Variants in RBFOX1 observed in about 807,000 individuals in gnomAD.
The protein encoded by RBFOX1 is RNA binding fox-1 homolog 1.
A neutral mutation model predicts 57.7 loss-of-function variants in RBFOX1; 8 were observed. The ratio of observed to expected loss-of-function variants is 0.14; its 90% CI spans 0.08 to 0.25. RBFOX1 has a LOEUF of 0.25. Among genes scored for constraint, RBFOX1 ranks in the 10% least tolerant of loss-of-function variants. RBFOX1 has a pLI of 1.00. For missense variants in RBFOX1, 611 were observed against 548.5 expected (o/e 1.11, Z -1.14); for synonymous variants, 326 against 222.4 (o/e 1.47, Z -4.15).
chr16:6,729,926 G>T (rs925561839), intron 3 of RBFOX1, among the ~76,000 whole-genome samples: 1 of 152,034 alleles, frequency 6.6e-6, no homozygotes, highest in African/African-American at 2.4e-5. Flanking sequence ...CAGGATGCCC[G>T]ACTCCGAGAA....
chr16:6,852,672 G>T (rs2094133685), intron 3 of RBFOX1, among the ~76,000 whole-genome samples: 1 of 151,854 alleles, frequency 6.6e-6, no homozygotes, highest in Admixed American at 6.6e-5. Flanking sequence ...CAGGTAAGGT[G>T]CTTGCCTAGG....
At chr16:7,289,603 A>G (rs532563989) in intron 4 of RBFOX1, among the ~76,000 whole-genome samples, 2 of 152,086 alleles carry the variant, frequency 1.3e-5, no homozygotes, top group Admixed American at 6.6e-5. Context: ...CATCACTTTC[A>G]TCATAGTCAT....
At position 6,901,407 on chromosome 16, in the gene RBFOX1, T is replaced by A. The variant is rs139167072; in HGVS notation, c.-15-150650T>A. Among the ~76,000 whole-genome samples, 8 of 152,216 alleles carry A rather than the reference T, an allele frequency of 5.3e-5. No homozygotes were observed. In the East Asian group the frequency reaches 1.4e-3, roughly 26 times the overall value. On this transcript the variant is annotated intron_variant, in intron 3 of 15. Coordinates refer to ENST00000550418, the MANE Select transcript of RBFOX1 (RefSeq NM_018723.4). ...AGTGAACAGGACGTTCCTACTACCTTTGGGGAAGACAATAACACAGAGTCC... is the reference window on the plus strand; with the variant it reads ...AGTGAACAGGACGTTCCTACTACCTATGGGGAAGACAATAACACAGAGTCC...
intron 1 of RBFOX1, among the ~76,000 whole-genome samples, chr16:5,357,566 T>C (rs2065425298): frequency 1.3e-5 from 2 of 152,114 alleles, no homozygotes; most frequent in South Asian, 4.1e-4. Context: ...CTTGTGAAAA[T>C]GTAGATTCAG....
intron 1 of RBFOX1, among the ~76,000 whole-genome samples, chr16:5,284,756 A>AATTTTTTTTTTTTTTTTTTT (rs1303967371): frequency 3.3e-5 from 2 of 61,032 alleles, no homozygotes; most frequent in Non-Finnish European, 6.0e-5. Flanking sequence ...TTTGGCTTAG[A>AATTTTTTTTTTTTTTTTTTT]TTTTTTTTTT....
At chr16:6,745,263 A>G (rs1171223284) in intron 3 of RBFOX1, among the ~76,000 whole-genome samples, 6 of 152,126 alleles carry the variant, frequency 3.9e-5, no homozygotes, top group African/African-American at 1.4e-4. Flanking sequence ...CTTTCAGAAA[A>G]TGGAAAAGGA....
intron 1 of RBFOX1, among the ~76,000 whole-genome samples, chr16:5,249,020 A>C (rs1267414056): frequency 2.7e-5 from 4 of 149,434 alleles, no homozygotes; most frequent in Non-Finnish European, 5.9e-5. Flanking sequence ...AAAGAGGACA[A>C]GAGGAGGAGG....
In RBFOX1 at chr16:5,825,519, G is replaced by A. The variant is rs115319227; in HGVS notation, c.319-41784G>A. 5.2e-3 allele frequency among the ~76,000 whole-genome samples: 794 copies of A among 152,166 alleles called. 5 individuals are homozygous for A. The highest frequency in any genetic ancestry group is 0.018 in the African/African-American group (759 of 41,510). On this transcript the variant is annotated intron_variant, in intron 3 of 19. Coordinates refer to the RBFOX1 transcript ENST00000641259. ...TTTAGGAGCATTCATAAACTTGGAT[G>A]GAAAAAATTATAGCATCTTTTCTCA...
intron 2 of RBFOX1, among the ~76,000 whole-genome samples, chr16:6,352,653 G>C (rs2086615323): frequency 6.6e-6 from 1 of 152,248 alleles, no homozygotes; most frequent in South Asian, 2.1e-4. Context: ...ATTACTTTTA[G>C]AAATAATTCA....
intron 3 of RBFOX1, among the ~76,000 whole-genome samples, chr16:5,801,527 C>T (rs996548075): frequency 6.6e-6 from 1 of 152,036 alleles, no homozygotes; most frequent in African/African-American, 2.4e-5. Flanking sequence ...ATATGTGTCT[C>T]GACACAGGCG....
chr16:5,253,628 C>T (rs908934314), intron 1 of RBFOX1, among the ~76,000 whole-genome samples: 1 of 152,204 alleles, frequency 6.6e-6, no homozygotes, highest in African/African-American at 2.4e-5. Context: ...ACCAATGAGC[C>T]TCATCCTGTG....
chr16:6,845,968 C>G (rs765363924), intron 3 of RBFOX1, among the ~76,000 whole-genome samples: 2 of 152,188 alleles, frequency 1.3e-5, no homozygotes, highest in African/African-American at 2.4e-5. Flanking sequence ...TTAGGTGTTA[C>G]TGATAAAATA....
At chr16:6,571,192 A>T (rs920825531) in intron 2 of RBFOX1, among the ~76,000 whole-genome samples, 1 of 152,200 alleles carries the variant, frequency 6.6e-6, no homozygotes, top group East Asian at 1.9e-4. Flanking sequence ...AAAGGGGTCT[A>T]TTCCCAAAAG....
chr16:5,638,229 G>A (rs1221505776), intron 3 of RBFOX1, among the ~76,000 whole-genome samples: 4 of 152,202 alleles, frequency 2.6e-5, no homozygotes. Context: ...GTTTGGAAAG[G>A]TAGCATAACT....
chr16:5,992,847 T>C (rs2060424491), intron 4 of RBFOX1, among the ~76,000 whole-genome samples: 2 of 152,114 alleles, frequency 1.3e-5, no homozygotes, highest in South Asian at 2.1e-4. Context: ...TACAGGAGAA[T>C]TGCTTGAACC....
intron 3 of RBFOX1, among the ~76,000 whole-genome samples, chr16:6,839,207 A>G (rs925469130): frequency 6.6e-6 from 1 of 151,470 alleles, no homozygotes; most frequent in East Asian, 1.9e-4. Context: ...CTGTTCTCGA[A>G]TTCCTGACCT....
At chr16:6,540,712 A>G (rs1378277748) in intron 2 of RBFOX1, among the ~76,000 whole-genome samples, 1 of 151,894 alleles carries the variant, frequency 6.6e-6, no homozygotes, top group Non-Finnish European at 1.5e-5. Context: ...ATTCTTATAC[A>G]ATGCTTTAAA....
intron 3 of RBFOX1, among the ~76,000 whole-genome samples, chr16:6,975,881 C>G (rs544962837): frequency 1.3e-5 from 2 of 152,078 alleles, no homozygotes; most frequent in Middle Eastern, 3.2e-3. Context: ...AATCGCAGCA[C>G]TTTGGGAGGC....
At chr16:5,462,865 G>T (rs999376244) in intron 1 of RBFOX1, among the ~76,000 whole-genome samples, 1 of 152,090 alleles carries the variant, frequency 6.6e-6, no homozygotes, top group South Asian at 2.1e-4. Flanking sequence ...GGTCCTACAG[G>T]CATGGGACGA....
Sources: gnomAD v4.1 joint callset for allele counts (sites outside exome capture counted in the v4.1 genomes callset) on GRCh38, gnomAD v4.1.1 for gene constraint, MANE v1.5 for transcripts, NCBI Gene and HGNC (gene_info 2026-07-23, HGNC 2026-07-21) for gene names.